The following CCSER1 variants were observed in gnomAD, a reference collection of about 807,000 sequenced individuals.
The protein encoded by CCSER1 is serine-rich coiled-coil domain-containing protein 1.
CCSER1 carries 41 observed loss-of-function variants against 82.0 expected under a neutral mutation model. That is an observed-to-expected ratio of 0.50 (90% CI 0.39 to 0.65). The LOEUF is 0.65. Ranked by LOEUF, CCSER1 falls within the 30% of genes least tolerant of loss-of-function variation. CCSER1 has a pLI of 0.00. For synonymous variants in CCSER1, 414 were observed against 383.9 expected (o/e 1.08, Z -0.92); for missense variants, 1,119 against 1,064.2 (o/e 1.05, Z -0.72).
At chr4:91,055,079 CTTCT>C (rs1311936011) in intron 9 of CCSER1, among the ~76,000 whole-genome samples, 2 of 152,014 alleles carry the variant, frequency 1.3e-5, no homozygotes, top group Non-Finnish European at 2.9e-5. Context: ...AGCTTACTGT[CTTCT>C]TTGTGTTTAG....
At chr4:91,276,047 T>TTTGCAAAAACAACAACAACAACAAAAAG (rs1742410834) in intron 10 of CCSER1, among the ~76,000 whole-genome samples, 1 of 152,162 alleles carries the variant, frequency 6.6e-6, no homozygotes, top group Non-Finnish European at 1.5e-5. Flanking sequence ...ACCATTCTAT[T>TTTGCAAAAACAACAACAACAACAAAAAG]GTTATTACTC....
chr4:90,465,128 T>C (rs2153586137), intron 4 of CCSER1, among the ~76,000 whole-genome samples: 2 of 151,914 alleles, frequency 1.3e-5, no homozygotes, highest in East Asian at 3.9e-4. Flanking sequence ...CACATCCAGC[T>C]AATTTTTGTA....
intron 10 of CCSER1, among the ~76,000 whole-genome samples, chr4:91,173,314 G>T (rs1468597595): frequency 6.6e-6 from 1 of 152,134 alleles, no homozygotes; most frequent in Non-Finnish European, 1.5e-5. Flanking sequence ...CATAAGAGGG[G>T]CCAGGCGCAG....
Position 91,486,746 on chromosome 4 carries a change from T to C in CCSER1, c.2218-111826T>C, listed in dbSNP as rs192269464. ...TAGATTTTATGCAACTACTATGCCA[T>C]TTTATATAAGGGACTTGAACATCAG... On this transcript the variant is annotated intron_variant, in intron 10 of 10. Transcript: ENST00000509176. 2.0e-4 allele frequency among the ~76,000 whole-genome samples: 30 copies of C among 152,198 alleles called. No individual in the cohort carries two copies. The East Asian group carries it at 5.6e-3, about 28-fold the overall frequency.
chr4:90,916,891 C>T (rs1470560269), intron 8 of CCSER1, among the ~76,000 whole-genome samples: 1 of 132,126 alleles, frequency 7.6e-6, no homozygotes, highest in Non-Finnish European at 1.6e-5. Context: ...GACGTCTATA[C>T]AGTTAAGAGA....
At chr4:90,660,391 G>T (rs1730549995) in intron 6 of CCSER1, among the ~76,000 whole-genome samples, 1 of 151,968 alleles carries the variant, frequency 6.6e-6, no homozygotes, top group Non-Finnish European at 1.5e-5. Context: ...AACATGGATG[G>T]AACTAGAAGC....
rs1392650273 is a variant in CCSER1 at position 91,171,701 on chromosome 4, G to A, written c.2217+85707G>A. Among the ~76,000 whole-genome samples, 6 of 151,688 alleles carry A rather than the reference G, an allele frequency of 4.0e-5. No individual in the cohort carries two copies. The East Asian group carries it at 7.7e-4, about 20-fold the overall frequency. On this transcript the variant is annotated intron_variant, in intron 10 of 10. Coordinates refer to ENST00000509176, the MANE Select transcript of CCSER1 (RefSeq NM_001145065.2). ...TCTATACTATTTTTTTACCTAAATT[G>A]TGTATCTCATATAAAAGAGTGGAAT...
intron 9 of CCSER1, among the ~76,000 whole-genome samples, chr4:91,001,447 C>T (rs1738027637): frequency 6.6e-6 from 1 of 152,070 alleles, no homozygotes; most frequent in South Asian, 2.1e-4. Flanking sequence ...GGAGTCCCCA[C>T]TACTAAAATT....
intron 6 of CCSER1, among the ~76,000 whole-genome samples, chr4:90,640,627 C>T (rs1010237010): frequency 6.6e-6 from 1 of 152,156 alleles, no homozygotes; most frequent in Non-Finnish European, 1.5e-5. Flanking sequence ...CCATAATCCC[C>T]AGATGTCAAG....
At chr4:90,305,243 G>A (rs1296986784) in intron 1 of CCSER1, among the ~76,000 whole-genome samples, 1 of 152,220 alleles carries the variant, frequency 6.6e-6, no homozygotes, top group East Asian at 1.9e-4. Flanking sequence ...TGATCCAAAT[G>A]CAGGAAATAC....
chr4:90,504,535 T>A (rs1770404833), intron 5 of CCSER1, among the ~76,000 whole-genome samples: 1 of 152,192 alleles, frequency 6.6e-6, no homozygotes, highest in Admixed American at 6.6e-5. Flanking sequence ...ATTTTTCTGA[T>A]TGCCTAAAAG....
At chr4:90,284,306 A>G (rs998611533) in intron 1 of CCSER1, among the ~76,000 whole-genome samples, 3 of 152,084 alleles carry the variant, frequency 2.0e-5, no homozygotes, top group Admixed American at 2.0e-4. Context: ...TTTCTTTGCT[A>G]TGCACAAGCA....
intron 7 of CCSER1, among the ~76,000 whole-genome samples, chr4:90,784,218 C>T (rs922466744): frequency 1.3e-5 from 2 of 152,150 alleles, no homozygotes; most frequent in Non-Finnish European, 2.9e-5. Flanking sequence ...TACTGTTCCT[C>T]GTTTCATATG....
chr4:90,526,566 C>G (rs978334385), intron 5 of CCSER1, among the ~76,000 whole-genome samples: 1 of 152,152 alleles, frequency 6.6e-6, no homozygotes, highest in Non-Finnish European at 1.5e-5. Context: ...CATCCCCCAC[C>G]TGTGTCTATG....
At chr4:91,547,955 G>A (rs1324140636) in intron 10 of CCSER1, among the ~76,000 whole-genome samples, 1 of 151,792 alleles carries the variant, frequency 6.6e-6, no homozygotes, top group Admixed American at 6.6e-5. Context: ...CTAACTTTTT[G>A]TATTTTTAGT....
intron 10 of CCSER1, among the ~76,000 whole-genome samples, chr4:91,407,902 T>C (rs1290973595): frequency 6.6e-6 from 1 of 152,168 alleles, no homozygotes; most frequent in Non-Finnish European, 1.5e-5. Flanking sequence ...TGTAGTCATC[T>C]CTTCTGTGGA....
At chr4:90,519,693 T>C (rs1396387964) in intron 5 of CCSER1, among the ~76,000 whole-genome samples, 2 of 152,006 alleles carry the variant, frequency 1.3e-5, no homozygotes, top group Non-Finnish European at 2.9e-5. Context: ...CTTTTGGTTT[T>C]GCCAGAATAG....
intron 10 of CCSER1, among the ~76,000 whole-genome samples, chr4:91,147,422 T>A (rs989909759): frequency 6.6e-6 from 1 of 152,152 alleles, no homozygotes; most frequent in African/African-American, 2.4e-5. Context: ...GCTGTCTGGG[T>A]AAAAAGCTGT....
chr4:90,848,977 T>G (rs1214573680), intron 8 of CCSER1, among the ~76,000 whole-genome samples: 4 of 152,260 alleles, frequency 2.6e-5, no homozygotes, highest in Admixed American at 6.5e-5. Flanking sequence ...TGCAGAACTG[T>G]GAGTCAATTA....
Sources: gnomAD v4.1 joint callset for allele counts (sites outside exome capture counted in the v4.1 genomes callset) on GRCh38, gnomAD v4.1.1 for gene constraint, MANE v1.5 for transcripts, NCBI Gene and HGNC (gene_info 2026-07-23, HGNC 2026-07-21) for gene names.